Variants in KRT86 observed in about 807,000 individuals in gnomAD.
KRT86 encodes keratin, type II cuticular Hb6.
Under a neutral mutation model 41.2 loss-of-function variants are expected in KRT86, and 30 were observed. The observed-to-expected ratio is 0.73, with a 90% CI of 0.54 to 0.99. The LOEUF is 0.99. KRT86 is among the 50% of genes least tolerant of loss of function. The pLI is 0.00. For synonymous variants in KRT86, 238 were observed against 238.1 expected (o/e 1.00, Z 0.00); for missense variants, 561 against 571.4 (o/e 0.98, Z 0.19).
intron 2 of KRT86, chr12:52,287,623 C>T (rs557990688): frequency 2.2e-5 from 36 of 1,613,964 alleles, no homozygotes; most frequent in African/African-American, 1.1e-4. Flanking sequence ...CCACCTCGGC[C>T]GTCAGCCTTT....
rs780803500 is a variant in KRT86, at chr12:52,287,697, T to C, written c.-5+11751T>C. On this transcript the variant is annotated intron_variant, in intron 2 of 10. Coordinates refer to ENST00000423955, the MANE Select transcript of KRT86 (RefSeq NM_001320198.2). Reference sequence around the variant, plus strand: ...CGGCGCAGGGTCTCCCCGTGCCTGATCACCGTGGCCTTCATCTCCTCACAC... The same window carrying C: ...CGGCGCAGGGTCTCCCCGTGCCTGACCACCGTGGCCTTCATCTCCTCACAC... 16 of 1,613,932 alleles carry C rather than the reference T, an allele frequency of 9.9e-6. No individual in the cohort carries two copies. The Admixed American group carries it at 1.0e-4, about 10-fold the overall frequency.
chr12:52,283,781 C>G (rs1422654015), intron 2 of KRT86, among the ~76,000 whole-genome samples: 4 of 151,278 alleles, frequency 2.6e-5, no homozygotes, highest in Admixed American at 2.6e-4. Flanking sequence ...CGCCCAGCCC[C>G]AAACATTGTA....
intron 2 of KRT86, among the ~76,000 whole-genome samples, chr12:52,276,537 T>C (rs2121189711): frequency 6.6e-6 from 1 of 152,246 alleles, no homozygotes; most frequent in African/African-American, 2.4e-5. Context: ...ATTATCCTTG[T>C]AGAAGAGAAA....
intron 2 of KRT86, among the ~76,000 whole-genome samples, chr12:52,296,371 A>G (rs1392883561): frequency 6.6e-6 from 1 of 152,148 alleles, no homozygotes; most frequent in Non-Finnish European, 1.5e-5. Flanking sequence ...GCACAGCACC[A>G]AGGGAAAGTG....
At chr12:52,288,779 C>G (rs1325099808) in intron 2 of KRT86, among the ~76,000 whole-genome samples, 7 of 152,114 alleles carry the variant, frequency 4.6e-5, no homozygotes, top group Admixed American at 1.3e-4. Context: ...CTGTCCCCCA[C>G]AAGTGCTCCA....
At chr12:52,283,469 CATTTTTT>C (rs1937829245) in intron 2 of KRT86, among the ~76,000 whole-genome samples, 2 of 116,260 alleles carry the variant, frequency 1.7e-5, no homozygotes, top group Non-Finnish European at 3.4e-5. Flanking sequence ...CTAATCCAAG[CATTTTTT>C]TTTTTTTTTT....
intron 9 of KRT86, chr12:52,307,214 T>G (rs545173892): frequency 6.6e-6 from 1 of 152,318 alleles, no homozygotes; most frequent in South Asian, 2.1e-4. Context: ...GTTGTTCCAT[T>G]GGAAAGCTCA....
chr12:52,274,844 C>A, intron 1 of KRT86, 122 bp downstream of exon 1: 1 of 434,994 alleles, frequency 2.3e-6, no homozygotes, highest in Non-Finnish European at 3.1e-6. Flanking sequence ...AGTGGGAACA[C>A]AGCAGAAATT....
chr12:52,299,608 T>C (rs1387009720), intron 2 of KRT86, among the ~76,000 whole-genome samples: 1 of 152,248 alleles, frequency 6.6e-6, no homozygotes, highest in Non-Finnish European at 1.5e-5. Flanking sequence ...CCAGCATCCA[T>C]AATTTTTTTG....
In KRT86 at chr12:52,308,688, G is replaced by A. The variant is rs1938576147; in HGVS notation, c.*103G>A. On this transcript the variant is annotated 3_prime_UTR_variant, in exon 11 of 11. Coordinates refer to ENST00000423955, the MANE Select transcript of KRT86 (RefSeq NM_001320198.2). Reference sequence around the variant, plus strand: ...CCGCGCCGGCCTCCCAATAGCCGCCGCCCGCTGCCTGCACTCTAAGCGCCC... The same window carrying A: ...CCGCGCCGGCCTCCCAATAGCCGCCACCCGCTGCCTGCACTCTAAGCGCCC... 2.7e-6 allele frequency: 3 copies of A among 1,126,542 alleles called. No individual in the cohort carries two copies. Among genetic ancestry groups the A allele is most frequent in the South Asian group, 1.4e-5 (1 of 73,706 alleles). 69.8% of individuals were successfully genotyped at this position (1,126,542 alleles called of 1,614,324 possible). A position where few individuals can be genotyped will look rare whatever the true frequency, so the allele number is the denominator to read the frequency against.
At chr12:52,287,706 C>T (rs1471590249) in intron 2 of KRT86, 2 of 1,614,024 alleles carry the variant, frequency 1.2e-6, no homozygotes, top group Non-Finnish European at 1.7e-6. Context: ...ATCACCGTGG[C>T]CTTCATCTCC....
chr12:52,293,491 G>T (rs750856187), intron 2 of KRT86, among the ~76,000 whole-genome samples: 17 of 152,234 alleles, frequency 1.1e-4, no homozygotes, highest in Non-Finnish European at 2.4e-4. Context: ...TGTGAATTTA[G>T]GGTGTGAGAG....
chr12:52,286,540 C>G, intron 2 of KRT86: 1 of 1,533,806 alleles, frequency 6.5e-7, no homozygotes. Context: ...GCAAGCCATC[C>G]TGCCTTCCTG....
At chr12:52,287,356 G>C (rs1453009889) in intron 2 of KRT86, 2 of 1,612,464 alleles carry the variant, frequency 1.2e-6, no homozygotes, top group African/African-American at 2.7e-5. Context: ...GTAGATTAGA[G>C]TCCCTGGGTC....
chr12:52,283,478 T>C (rs201052169), intron 2 of KRT86, among the ~76,000 whole-genome samples: 1 of 54,272 alleles, frequency 1.8e-5, no homozygotes. Flanking sequence ...GCATTTTTTT[T>C]TTTTTTTTTT....
In KRT86 at chr12:52,287,778, A is replaced by T. The variant is rs150733421; in HGVS notation, c.-5+11832A>T. The T allele has an allele frequency of 9.9e-3, 15,996 of 1,613,904 alleles. 83 individuals are homozygous for T. Among genetic ancestry groups the T allele is most frequent in the Non-Finnish European group, 0.012 (13,679 of 1,179,884 alleles). On this transcript the variant is annotated intron_variant, in intron 2 of 10. Transcript: ENST00000423955. ...GGGTGGGACCTCCCATCCATTCAGGACACCACAGATGATTTTGCAGGTTGT... is the reference window on the plus strand; with the variant it reads ...GGGTGGGACCTCCCATCCATTCAGGTCACCACAGATGATTTTGCAGGTTGT...
rs774273613 is a variant in KRT86, at chr12:52,302,080, G to A, written c.164G>A (p.Arg55Gln). The A allele has an allele frequency of 1.2e-3, 1,858 of 1,593,650 alleles. 1 individual carries two copies. The highest frequency in any genetic ancestry group is 1.4e-3 in the Non-Finnish European group (1,614 of 1,171,584). ...AGCCACAGCGTGTGCGGAGGCTTTC[G>A]GGCCGGCTCCTGCGGACGCAGCTTC... The part of the protein sequence containing the change: ...FGSHSVCGGF[R>Q]AGSCGRSFGY... Residue 55 changes from arginine (R) to glutamine (Q), a missense_variant, in exon 3 of 11, where the codon CGG becomes CAG. This residue lies in a region of KRT86 where 164 missense variants were observed against 172.5 expected (regional missense o/e 0.95). Transcript: ENST00000423955.
chr12:52,286,351 C>T (rs748777793), intron 2 of KRT86: 1 of 1,554,920 alleles, frequency 6.4e-7, no homozygotes, highest in African/African-American at 1.4e-5. Flanking sequence ...AGGTGGTGTT[C>T]AATTGGCCGC....
At chr12:52,301,852 G>T in intron 2 of KRT86, 61 bp from the exon 3 acceptor site, 1 of 1,613,314 alleles carries the variant, frequency 6.2e-7, no homozygotes, top group South Asian at 1.1e-5. Flanking sequence ...CTGACGCCCC[G>T]ACCACTGTGC....
Sources: gnomAD v4.1 joint callset for allele counts (sites outside exome capture counted in the v4.1 genomes callset) on GRCh38, gnomAD v4.1.1 for gene constraint, gnomAD v4.1.1 regional missense constraint, MANE v1.5 for transcripts, NCBI Gene and HGNC (gene_info 2026-07-23, HGNC 2026-07-21) for gene names.